The following PGS1 variants were observed in gnomAD, a reference collection of about 807,000 sequenced individuals.
PGS1 encodes the protein phosphatidylglycerophosphate synthase 1.
A neutral mutation model predicts 58.3 loss-of-function variants in PGS1; 44 were observed. The observed-to-expected ratio is 0.75, with a 90% CI of 0.59 to 0.97. The LOEUF (loss-of-function observed/expected upper bound fraction) is 0.97, where lower values mean the gene tolerates loss of function less well. PGS1 is among the 50% of genes least tolerant of loss of function. PGS1 has a pLI of 0.00. For synonymous variants in PGS1, 330 were observed against 311.0 expected (o/e 1.06, Z -0.64); for missense variants, 684 against 731.1 (o/e 0.94, Z 0.74).
At position 78,400,976 on chromosome 17, in the gene PGS1, C is replaced by G. The variant is rs763067081; in HGVS notation, c.880+121C>G. On this transcript the variant is annotated intron_variant, in intron 6 of 9. Transcript: ENST00000262764. This position sits in a 1 kb window ranked among gnomAD's most constrained non-coding sequence, Gnocchi z 4.4. ...GGGACTTGGGTGGCAAGGCTTCATT[C>G]TGCTTTTGTCCTTGAAGCCAGACAG... 1.2e-6 allele frequency: 1 copy of G among 818,486 alleles called. No individual in the cohort carries two copies. 50.7% of individuals were successfully genotyped at this position (818,486 alleles called of 1,614,324 possible).
chr17:78,385,721 C>T (rs565555461), intron 1 of PGS1, among the ~76,000 whole-genome samples: 70 of 152,310 alleles, frequency 4.6e-4, no homozygotes, highest in African/African-American at 1.6e-3. Flanking sequence ...TGTGCCCGGC[C>T]CCCGGGTTTC....
Position 78,403,743 on chromosome 17 carries a change from T to A in PGS1, c.1056T>A (p.Tyr352Ter). 6.2e-7 allele frequency: 1 copy of A among 1,614,212 alleles called. No homozygotes were observed. The highest frequency in any genetic ancestry group is 8.5e-7 in the Non-Finnish European group (1 of 1,180,034). Reference sequence around the variant, plus strand: ...GACCAGCCCCTGACACCTGGATTTATCCGCTGATTCAGATGAAGCCCTTCG... The same window carrying A: ...GACCAGCCCCTGACACCTGGATTTAACCGCTGATTCAGATGAAGCCCTTCG... Reference protein sequence around the residue: ...DRRPAPDTWIYPLIQMKPFEI... With the variant: ...DRRPAPDTWI The change falls in exon 7 of 10, where the codon TAT becomes TAA. Residue 352 changes from tyrosine (Y) to a stop codon, truncating the protein, a stop_gained. Coordinates refer to ENST00000262764, the MANE Select transcript of PGS1 (RefSeq NM_024419.5). LOFTEE classifies it high-confidence loss of function.
intron 7 of PGS1, among the ~76,000 whole-genome samples, chr17:78,410,383 C>T (rs948878335): frequency 7.4e-5 from 11 of 149,562 alleles, no homozygotes; most frequent in East Asian, 6.1e-4. Flanking sequence ...GAGCCAAGAT[C>T]GCGCCATTGC....
At chr17:78,398,719 G>A (rs1886321769) in intron 4 of PGS1, among the ~76,000 whole-genome samples, 1 of 152,190 alleles carries the variant, frequency 6.6e-6, no homozygotes, top group Non-Finnish European at 1.5e-5. Flanking sequence ...TCCTGTGACT[G>A]ATCTGCTTTG....
intron 1 of PGS1, among the ~76,000 whole-genome samples, chr17:78,379,535 ATAAT>A (rs1211862598): frequency 1.3e-5 from 2 of 152,046 alleles, no homozygotes; most frequent in South Asian, 4.1e-4. Context: ...AAGGGGATAA[ATAAT>A]TCTTGGCCGG....
chr17:78,383,912 G>A (rs910738908), intron 1 of PGS1, among the ~76,000 whole-genome samples: 1 of 152,122 alleles, frequency 6.6e-6, no homozygotes, highest in African/African-American at 2.4e-5. Context: ...ACCCAGCCTG[G>A]GATTAAAATG....
intron 4 of PGS1, 142 bp downstream of exon 4, chr17:78,398,493 T>A: frequency 3.1e-6 from 2 of 652,908 alleles, no homozygotes. Flanking sequence ...TGCCTGATTG[T>A]GTGAGTTAGG....
intron 1 of PGS1, among the ~76,000 whole-genome samples, chr17:78,379,605 C>T (rs2081891159): frequency 6.6e-6 from 1 of 152,022 alleles, no homozygotes; most frequent in African/African-American, 2.4e-5. Flanking sequence ...GCAGGTGGAT[C>T]ACCTGAGGTC....
chr17:78,414,097 G>A (rs921441496), intron 7 of PGS1, among the ~76,000 whole-genome samples: 2 of 152,222 alleles, frequency 1.3e-5, no homozygotes, highest in Non-Finnish European at 2.9e-5. Context: ...GGCAGTGATG[G>A]CAGAGGTCCC....
At position 78,400,209 on chromosome 17, in the gene PGS1, G is replaced by A. The variant is rs2083546566; in HGVS notation, c.702-468G>A. ...AGACCAGCCTGGACAACATGGTGAA[G>A]CCCCGTCTCTACTAAAAATACAAAA... On this transcript the variant is annotated intron_variant, in intron 5 of 9. Coordinates refer to ENST00000262764, the MANE Select transcript of PGS1 (RefSeq NM_024419.5). This position sits in a 1 kb window ranked among gnomAD's most constrained non-coding sequence, Gnocchi z 4.4. 5.5e-6 allele frequency: 1 copy of A among 183,386 alleles called. No homozygotes were observed. The highest frequency in any genetic ancestry group is 1.1e-5 in the Non-Finnish European group (1 of 87,106). The allele number at this position is 183,386 out of a possible 1,614,324, so 11.4% of individuals were successfully genotyped here. A position where few individuals can be genotyped will look rare whatever the true frequency, so the allele number is the denominator to read the frequency against.
chr17:78,417,537 G>C (rs572438854), intron 8 of PGS1, among the ~76,000 whole-genome samples: 1 of 152,140 alleles, frequency 6.6e-6, no homozygotes, highest in African/African-American at 2.4e-5. Context: ...GCCACATTCT[G>C]TAGGGTTCTG....
intron 7 of PGS1, among the ~76,000 whole-genome samples, chr17:78,410,990 C>G (rs1174965670): frequency 6.6e-6 from 1 of 152,116 alleles, no homozygotes; most frequent in Non-Finnish European, 1.5e-5. Context: ...AGATGCGTCT[C>G]TACAAATATC....
rs371331254 is a variant in PGS1, at chr17:78,414,875, G to T, written c.1403-4G>T. ...CCTGTCTGCACGTTTCCTTTTCCCC[G>T]CAGGCCTCTGGCTGTACCTGGCAGG... On this transcript the variant is annotated splice_polypyrimidine_tract_variant and splice_region_variant and intron_variant, in intron 7 of 9. Transcript: ENST00000262764. 4 of 1,613,584 alleles carry T rather than the reference G, an allele frequency of 2.5e-6. No homozygotes were observed. Among genetic ancestry groups the T allele is most frequent in the East Asian group, 4.5e-5 (2 of 44,886 alleles).
At chr17:78,409,183 G>GT (rs1434173160) in intron 7 of PGS1, among the ~76,000 whole-genome samples, 1 of 152,262 alleles carries the variant, frequency 6.6e-6, no homozygotes, top group Non-Finnish European at 1.5e-5. Context: ...GAACCATGCT[G>GT]TGCTGAGCCA....
intron 1 of PGS1, among the ~76,000 whole-genome samples, chr17:78,383,681 C>T (rs1053890870): frequency 2.5e-4 from 38 of 152,122 alleles, no homozygotes; most frequent in African/African-American, 9.2e-4. Flanking sequence ...ACCATCTCTT[C>T]GTTTGTTTAT....
intron 9 of PGS1, chr17:78,423,815 A>G: frequency 6.7e-7 from 1 of 1,481,810 alleles, no homozygotes; most frequent in Non-Finnish European, 9.2e-7. Flanking sequence ...AACCACCACC[A>G]GTTCCTGTAA....
intron 1 of PGS1, among the ~76,000 whole-genome samples, chr17:78,386,125 C>A (rs76129595): frequency 0.023 from 3,446 of 152,322 alleles, 119 homozygotes; most frequent in African/African-American, 0.078. Context: ...GGTGACTGAA[C>A]CTTTCTCCTG....
chr17:78,378,858 G>A, intron 1 of PGS1, 50 bp downstream of exon 1: 1 of 1,353,600 alleles, frequency 7.4e-7, no homozygotes, highest in East Asian at 3.1e-5. Context: ...CTGCAGCCCG[G>A]CCCCCCGGCG....
At chr17:78,409,610 G>A (rs1316977235) in intron 7 of PGS1, among the ~76,000 whole-genome samples, 1 of 152,220 alleles carries the variant, frequency 6.6e-6, no homozygotes, top group Non-Finnish European at 1.5e-5. Context: ...CAGCCTGTGG[G>A]CCCTTACAGT....
Sources: allele counts gnomAD v4.1 joint callset (sites outside exome capture counted in the v4.1 genomes callset), GRCh38; gene constraint gnomAD v4.1.1; non-coding constraint Gnocchi (gnomAD v3.1); transcripts MANE v1.5; gene names NCBI Gene and HGNC (gene_info 2026-07-23, HGNC 2026-07-21).